The following MRC1 variants were observed in gnomAD, a reference collection of about 807,000 sequenced individuals.
MRC1 encodes the protein macrophage mannose receptor 1.
Under a neutral mutation model 102.9 loss-of-function variants are expected in MRC1, and 62 were observed. The observed-to-expected ratio is 0.60, with a 90% confidence interval of 0.49 to 0.74. The LOEUF (loss-of-function observed/expected upper bound fraction) is 0.74. MRC1 is among the 30% of genes least tolerant of loss of function. The pLI, the probability that MRC1 is intolerant of heterozygous loss-of-function variation, is 0.00. For synonymous variants in MRC1, 457 were observed against 298.4 expected, an observed-to-expected ratio of 1.53 and a Z score of -5.48; for missense variants, 1,237 against 862.8, an observed-to-expected ratio of 1.43 and a Z score of -5.43.
chr10:17,827,413 A>AAAAC, intron 2 of MRC1, 129 bp from the exon 3 acceptor site: 3 of 394,364 alleles, frequency 7.6e-6, no homozygotes, highest in South Asian at 3.0e-5. Context: ...AAAAAAAAGA[A>AAAAC]ATCCCTCTGT....
At chr10:17,891,127 C>G (rs1233008996) in intron 22 of MRC1, among the ~76,000 whole-genome samples, 2 of 143,918 alleles carry the variant, frequency 1.4e-5, no homozygotes, top group African/African-American at 5.2e-5. Flanking sequence ...AGTTGTATCA[C>G]TAGTTTTATT....
rs888257493 is a variant in MRC1 at position 17,888,026 on chromosome 10, G to A, written c.3147+2591G>A. On this transcript the variant is annotated intron_variant, in intron 22 of 29. Transcript: ENST00000569591. ...TCACTATGTTGGCCAGACTGGTCTC[G>A]AACTCCTGACCTCGTGATACACCTG... Among the ~76,000 whole-genome samples the A allele has an allele frequency of 7.8e-3, 1,188 of 152,166 alleles. 8 individuals carry two copies. Among genetic ancestry groups the A allele is most frequent in the African/African-American group, 0.027 (1,123 of 41,526 alleles).
At chr10:17,843,742 A>C (rs1453003811) in intron 5 of MRC1, among the ~76,000 whole-genome samples, 1 of 152,228 alleles carries the variant, frequency 6.6e-6, no homozygotes, top group Middle Eastern at 3.2e-3. Context: ...AAACTTTAAA[A>C]AAATCATTTA....
At chr10:17,849,891 C>T (rs940207223) in intron 7 of MRC1, 127 bp downstream of exon 7, 62 of 596,126 alleles carry the variant, frequency 1.0e-4, no homozygotes, top group South Asian at 7.7e-4. Flanking sequence ...CAACGAACAA[C>T]GTATGAATTT....
chr10:17,835,398 A>C (rs1838647580), intron 4 of MRC1, among the ~76,000 whole-genome samples: 3 of 152,328 alleles, frequency 2.0e-5, no homozygotes, highest in Admixed American at 6.5e-5. Flanking sequence ...TCCTGGGGAC[A>C]TCAAAGCTGA....
At chr10:17,844,681 C>T (rs36094199) in intron 5 of MRC1, among the ~76,000 whole-genome samples, 18,067 of 152,224 alleles carry the variant, frequency 0.12, 1,095 homozygotes, top group Middle Eastern at 0.18. Flanking sequence ...ATCAACCAGG[C>T]AGTGAGCATA....
At chr10:17,881,559 A>C (rs1457939045) in intron 21 of MRC1, among the ~76,000 whole-genome samples, 3 of 152,252 alleles carry the variant, frequency 2.0e-5, no homozygotes, top group East Asian at 1.9e-4. Context: ...ACTTCTAAGA[A>C]TAAGATGTAA....
intron 16 of MRC1, 26 bp from the exon 17 acceptor site, chr10:17,875,064 A>C: frequency 1.3e-6 from 1 of 780,756 alleles, no homozygotes; most frequent in Non-Finnish European, 2.4e-6. Context: ...CATAAAACTC[A>C]TTGCCTTTTC....
chr10:17,811,951 A>C (rs1388782681), intron 1 of MRC1, among the ~76,000 whole-genome samples: 1 of 152,130 alleles, frequency 6.6e-6, no homozygotes, highest in Non-Finnish European at 1.5e-5. Context: ...GTGTAAAGGC[A>C]GGGCACCTGC....
chr10:17,905,762 C>T (rs1213840458), intron 26 of MRC1, among the ~76,000 whole-genome samples: 2 of 152,132 alleles, frequency 1.3e-5, no homozygotes, highest in East Asian at 3.8e-4. Context: ...TACGGACCCT[C>T]AAGGTTCAGA....
In MRC1 at chr10:17,906,897, G is replaced by T; in HGVS notation, c.3811G>T (p.Val1271Phe). 1.3e-6 allele frequency: 1 copy of T among 788,630 alleles called. No homozygotes were observed. The highest frequency in any genetic ancestry group is 2.4e-6 in the Non-Finnish European group (1 of 425,268). The allele number at this position is 788,630 out of a possible 1,614,324, so 48.9% of individuals were successfully genotyped here. A position where few individuals can be genotyped will look rare whatever the true frequency, so the allele number is the denominator to read the frequency against. The change falls in exon 27 of 30, where the codon GTT (valine) becomes TTT (phenylalanine). Residue 1271 changes from valine to phenylalanine, a missense_variant. Val to Phe is a conservative substitution (Grantham distance 50). Coordinates refer to ENST00000569591, the MANE Select transcript of MRC1 (RefSeq NM_002438.4). ...LECLRMGSSL[V>F]SIESAAESSF... ...TTTACGCTTTCTAGGTTCCTCTCTG[G>T]TTTCCATTGAAAGTGCTGCAGAATC...
chr10:17,887,554 T>C (rs1368816843), intron 22 of MRC1, among the ~76,000 whole-genome samples: 2 of 152,216 alleles, frequency 1.3e-5, no homozygotes, highest in African/African-American at 4.8e-5. Flanking sequence ...TTAGATTTAA[T>C]GGATGAGAGG....
At chr10:17,884,414 A>G (rs1404137514) in intron 21 of MRC1, among the ~76,000 whole-genome samples, 1 of 152,200 alleles carries the variant, frequency 6.6e-6, no homozygotes, top group Non-Finnish European at 1.5e-5. Context: ...TGAGATACTG[A>G]TAATTTGATA....
At chr10:17,874,962 T>G in intron 16 of MRC1, 128 bp from the exon 17 acceptor site, 1 of 739,520 alleles carries the variant, frequency 1.4e-6, no homozygotes, top group Non-Finnish European at 2.5e-6. Flanking sequence ...TCTGCTGTTC[T>G]GGTCTCTCAG....
intron 23 of MRC1, among the ~76,000 whole-genome samples, chr10:17,896,293 A>T (rs1211905668): frequency 6.6e-5 from 10 of 152,204 alleles, no homozygotes; most frequent in African/African-American, 2.4e-4. Context: ...ATACTTTCAG[A>T]TGGTTGAGAA....
intron 1 of MRC1, among the ~76,000 whole-genome samples, chr10:17,819,098 A>G (rs1478143973): frequency 6.6e-6 from 1 of 152,206 alleles, no homozygotes; most frequent in Non-Finnish European, 1.5e-5. Flanking sequence ...ACCTCTCCAT[A>G]AAGGTAGATG....
chr10:17,820,587 A>G (rs1251609400), intron 1 of MRC1, among the ~76,000 whole-genome samples: 1 of 152,216 alleles, frequency 6.6e-6, no homozygotes, highest in African/African-American at 2.4e-5. Context: ...CAATACAGTG[A>G]AAATGGCCAA....
At position 17,880,746 on chromosome 10, in the gene MRC1, C is replaced by T. The variant is rs1230319243; in HGVS notation, c.2865+76C>T. 1.3e-5 allele frequency: 10 copies of T among 776,990 alleles called. No homozygotes were observed. The East Asian group carries it at 2.4e-4, about 19-fold the overall frequency. 48.1% of individuals were successfully genotyped at this position (776,990 alleles called of 1,614,324 possible). On this transcript the variant is annotated intron_variant, in intron 20 of 29. Coordinates refer to ENST00000569591, the MANE Select transcript of MRC1 (RefSeq NM_002438.4). ...TGCAAATCTTTCAGCTCAAAGTTAA[C>T]TTTTGCTAGCCTCATTACTTTAGAA...
rs995276504 is a variant in MRC1, at chr10:17,833,707, C to A, written c.670C>A (p.Pro224Thr). 1.3e-6 allele frequency: 1 copy of A among 780,780 alleles called. No individual in the cohort carries two copies. Among genetic ancestry groups the A allele is most frequent in the Admixed American group, 1.7e-5 (1 of 58,992 alleles). The allele number at this position is 780,780 out of a possible 1,614,324, so 48.4% of individuals were successfully genotyped here. ...EGSESLWNKD[P>T]LTSVSYQINS... ...CAGTGAAAGCTTATGGAATAAAGAC[C>A]CGCTGACCAGCGTTTCCTACCAGAT... Residue 224 changes from proline (P) to threonine (T), a missense_variant, in exon 4 of 30, where the codon CCG becomes ACG. Coordinates refer to ENST00000569591, the MANE Select transcript of MRC1 (RefSeq NM_002438.4).
Sources: allele counts gnomAD v4.1 joint callset (sites outside exome capture counted in the v4.1 genomes callset), GRCh38; gene constraint gnomAD v4.1.1; transcripts MANE v1.5; gene names NCBI Gene and HGNC (gene_info 2026-07-23, HGNC 2026-07-21).